The following UBA3 variants were observed in gnomAD, a reference collection of about 807,000 sequenced individuals.
UBA3 encodes NEDD8-activating enzyme E1 catalytic subunit.
UBA3 carries 26 observed loss-of-function variants against 73.5 expected under a neutral mutation model. That is an observed-to-expected ratio of 0.35 (90% CI 0.26 to 0.49). The LOEUF is 0.49. Among genes scored for constraint, UBA3 ranks in the 20% least tolerant of loss-of-function variants. UBA3 has a pLI of 0.98. For synonymous variants in UBA3, 217 were observed against 191.2 expected (o/e 1.13, Z -1.11); for missense variants, 495 against 555.6 (o/e 0.89, Z 1.10).
At chr3:69,064,455 G>A (rs1434403067) in intron 6 of UBA3, among the ~76,000 whole-genome samples, 1 of 152,180 alleles carries the variant, frequency 6.6e-6, no homozygotes, top group Non-Finnish European at 1.5e-5. Context: ...TCAGCATCAA[G>A]AAGAGATGCA....
intron 8 of UBA3, 112 bp downstream of exon 8, chr3:69,063,327 C>T: frequency 7.8e-7 from 1 of 1,278,356 alleles, no homozygotes; most frequent in Non-Finnish European, 1.1e-6. Context: ...AGTAAATATA[C>T]TTAATTAAAA....
chr3:69,065,857 G>C (rs2092066278), intron 6 of UBA3, among the ~76,000 whole-genome samples: 1 of 151,912 alleles, frequency 6.6e-6, no homozygotes, highest in Non-Finnish European at 1.5e-5. Context: ...TATCGCTCAT[G>C]GTGGTCTTAG....
Position 69,061,831 on chromosome 3 carries a change from G to C in UBA3, c.893C>G (p.Thr298Arg). The C allele has an allele frequency of 6.2e-7, 1 of 1,603,476 alleles. No individual in the cohort carries two copies. Among genetic ancestry groups the C allele is most frequent in the South Asian group, 1.1e-5 (1 of 89,140 alleles). ...RASQYNIRGV[T>R]YRLTQGVVKR... ...TGACTTACCTTGAGTGAGCCTATACGTAACACCCCTAATATTATATTGTGA... is the reference window on the plus strand; with the variant it reads ...TGACTTACCTTGAGTGAGCCTATACCTAACACCCCTAATATTATATTGTGA... The change falls in exon 11 of 18, where the codon ACG becomes AGG. Residue 298 changes from threonine to arginine, a missense_variant. Coordinates refer to ENST00000361055, the MANE Select transcript of UBA3 (RefSeq NM_003968.4).
At position 69,080,041 on chromosome 3, in the gene UBA3, G is replaced by A; in HGVS notation, c.62+71C>T. 4 of 1,438,424 alleles carry A rather than the reference G, an allele frequency of 2.8e-6. No individual in the cohort carries two copies. In the South Asian group the frequency reaches 3.6e-5, roughly 13 times the overall value. 89.1% of individuals were successfully genotyped at this position (1,438,424 alleles called of 1,614,324 possible). A position where few individuals can be genotyped will look rare whatever the true frequency, so the allele number is the denominator to read the frequency against. On this transcript the variant is annotated intron_variant, in intron 2 of 17. Coordinates refer to ENST00000361055, the MANE Select transcript of UBA3 (RefSeq NM_003968.4). ...CCAGCCCCCCGGGCCCGCTGCGGCT[G>A]GTCCCCTAGGCCTGGGGTGGGGGGA...
Position 69,063,954 on chromosome 3 carries a change from G to GA in UBA3, c.472+113dup, listed in dbSNP as rs948675208. The GA allele has an allele frequency of 2.6e-5, 23 of 898,832 alleles. No homozygotes were observed. The Admixed American group carries it at 4.2e-4, about 17-fold the overall frequency. The allele number at this position is 898,832 out of a possible 1,614,324, so 55.7% of individuals were successfully genotyped here. On this transcript the variant is annotated intron_variant, in intron 7 of 17. Coordinates refer to ENST00000361055, the MANE Select transcript of UBA3 (RefSeq NM_003968.4). ...GCAACATTACTGAAAAGCCAACAGT[G>GA]AGAGAGGAAAGCAAGTGAAGAAATA...
chr3:69,056,326 A>G (rs768359296), intron 14 of UBA3, 43 bp from the exon 15 acceptor site: 17 of 1,367,866 alleles, frequency 1.2e-5, no homozygotes, highest in Non-Finnish European at 1.7e-5. Flanking sequence ...CACATGCACC[A>G]ATATTAGTCT....
Position 69,056,825 on chromosome 3 carries a change from G to A in UBA3, c.965-10C>T. The A allele has an allele frequency of 6.2e-7, 1 of 1,610,268 alleles. No individual in the cohort carries two copies. The highest frequency in any genetic ancestry group is 8.5e-7 in the Non-Finnish European group (1 of 1,178,860). ...TCAGTGGCACACACAGCTGAAGGGA[G>A]GAGAAAATACAGGTGCTTTAACTCA... is the stretch of plus-strand genomic sequence containing the variant. On this transcript the variant is annotated splice_polypyrimidine_tract_variant and intron_variant, in intron 12 of 17. Transcript: ENST00000361055.
chr3:69,056,536 T>C, intron 14 of UBA3, 76 bp downstream of exon 14: 5 of 1,291,556 alleles, frequency 3.9e-6, no homozygotes, highest in Non-Finnish European at 5.5e-6. Context: ...ATGGGTGACT[T>C]TGTTCAAATT....
Position 69,056,592 on chromosome 3 carries a change from G to C in UBA3, c.1083+20C>G. The C allele has an allele frequency of 6.4e-7, 1 of 1,567,114 alleles. No homozygotes were observed. The highest frequency in any genetic ancestry group is 1.7e-4 in the Middle Eastern group (1 of 5,862). On this transcript the variant is annotated intron_variant, in intron 14 of 17. Coordinates refer to ENST00000361055, the MANE Select transcript of UBA3 (RefSeq NM_003968.4). ...AATCAAAATATGCATGATCAAAAATGTGTTCTTAATACTACTAACCTTTCT... is the reference window on the plus strand; with the variant it reads ...AATCAAAATATGCATGATCAAAAATCTGTTCTTAATACTACTAACCTTTCT...
chr3:69,080,076 C>T, intron 2 of UBA3, 36 bp downstream of exon 2: 3 of 1,598,848 alleles, frequency 1.9e-6, no homozygotes, highest in Non-Finnish European at 2.6e-6. Flanking sequence ...AGGCGGGGGT[C>T]CCCGGAGAGG....
intron 2 of UBA3, among the ~76,000 whole-genome samples, chr3:69,079,442 AT>A (rs1470481771): frequency 6.6e-6 from 1 of 152,164 alleles, no homozygotes; most frequent in East Asian, 1.9e-4. Context: ...ATGCAAGAGT[AT>A]TTTTTCCCTG....
At chr3:69,077,494 TTC>T (rs1230644714) in intron 3 of UBA3, 2 of 215,622 alleles carry the variant, frequency 9.3e-6, no homozygotes, top group African/African-American at 4.7e-5. Flanking sequence ...CAAAATTAAT[TTC>T]TCACAGTAGC....
At chr3:69,064,170 A>T in intron 6 of UBA3, 59 bp from the exon 7 acceptor site, 1 of 1,389,302 alleles carries the variant, frequency 7.2e-7, no homozygotes. Flanking sequence ...TGAATTTGAC[A>T]ATGCCATAAG....
chr3:69,055,310 G>C lies in UBA3; in HGVS notation c.*127C>G, dbSNP rs1207304352. The C allele has an allele frequency of 1.8e-6, 1 of 547,164 alleles. No individual in the cohort carries two copies. The highest frequency in any genetic ancestry group is 2.0e-5 in the African/African-American group (1 of 50,198). The allele number at this position is 547,164 out of a possible 1,614,324, so 33.9% of individuals were successfully genotyped here. A position where few individuals can be genotyped will look rare whatever the true frequency, so the allele number is the denominator to read the frequency against. On this transcript the variant is annotated 3_prime_UTR_variant, in exon 18 of 18. Transcript: ENST00000361055. Reference sequence around the variant, plus strand: ...AAGGGAAGGTTACAAAGTTAAAAAAGAGTGGTTCATTATATAAAAAAAGAC... The same window carrying C: ...AAGGGAAGGTTACAAAGTTAAAAAACAGTGGTTCATTATATAAAAAAAGAC...
At chr3:69,072,894 C>G (rs1285899554) in intron 4 of UBA3, among the ~76,000 whole-genome samples, 1 of 152,220 alleles carries the variant, frequency 6.6e-6, no homozygotes, top group Non-Finnish European at 1.5e-5. Context: ...CGATTCCTTT[C>G]TCTCACAGCA....
Position 69,061,794 on chromosome 3 carries a change from A to G in UBA3, c.910+20T>C. ...CTAAGTCATCCCAACATCATAATTCATGACAATTTGCTGACTTACCTTGAG... is the reference window on the plus strand; with the variant it reads ...CTAAGTCATCCCAACATCATAATTCGTGACAATTTGCTGACTTACCTTGAG... On this transcript the variant is annotated intron_variant, in intron 11 of 17. Coordinates refer to ENST00000361055, the MANE Select transcript of UBA3 (RefSeq NM_003968.4). 6.7e-7 allele frequency: 1 copy of G among 1,498,796 alleles called. No homozygotes were observed. Among genetic ancestry groups the G allele is most frequent in the Non-Finnish European group, 9.2e-7 (1 of 1,092,264 alleles). The allele number at this position is 1,498,796 out of a possible 1,614,324, so 92.8% of individuals were successfully genotyped here. A position where few individuals can be genotyped will look rare whatever the true frequency, so the allele number is the denominator to read the frequency against.
intron 17 of UBA3, 145 bp from the exon 18 acceptor site, chr3:69,055,670 G>C: frequency 2.2e-6 from 2 of 903,398 alleles, no homozygotes; most frequent in Non-Finnish European, 3.3e-6. Flanking sequence ...TGATTTCTTA[G>C]AGATTTTAAA....
At chr3:69,071,416 T>C in intron 5 of UBA3, 119 bp downstream of exon 5, 2 of 606,280 alleles carry the variant, frequency 3.3e-6, no homozygotes, top group Non-Finnish European at 5.5e-6. Flanking sequence ...TTTTGTTTTT[T>C]AAAATAAAAT....
chr3:69,066,831 G>C (rs745744272), intron 6 of UBA3, among the ~76,000 whole-genome samples: 25 of 152,144 alleles, frequency 1.6e-4, no homozygotes, highest in Non-Finnish European at 3.1e-4. Context: ...AATTGCTCCA[G>C]TACGATTTGT....
Sources: gnomAD v4.1 joint callset for allele counts (sites outside exome capture counted in the v4.1 genomes callset) on GRCh38, gnomAD v4.1.1 for gene constraint, MANE v1.5 for transcripts, NCBI Gene and HGNC (gene_info 2026-07-23, HGNC 2026-07-21) for gene names.